The following RSRC1 variants were observed in gnomAD, a reference collection of about 807,000 sequenced individuals.
RSRC1 encodes the protein serine/Arginine-related protein 53.
Under a neutral mutation model 49.1 loss-of-function variants are expected in RSRC1, and 39 were observed. The ratio of observed to expected loss-of-function variants is 0.79; its 90% CI spans 0.61 to 1.04. RSRC1 has a LOEUF of 1.04. RSRC1 is among the 50% of genes least tolerant of loss of function. The pLI is 0.00. For synonymous variants in RSRC1, 143 were observed against 130.8 expected (o/e 1.09, Z -0.63); for missense variants, 388 against 402.4 (o/e 0.96, Z 0.31).
At chr3:158,475,495 T>C (rs1646494281) in intron 7 of RSRC1, among the ~76,000 whole-genome samples, 2 of 152,176 alleles carry the variant, frequency 1.3e-5, no homozygotes, top group Admixed American at 6.6e-5. Context: ...TTGGTGCCAT[T>C]TTCCCCAAAA....
chr3:158,429,931 A>T (rs1006611631), intron 6 of RSRC1, among the ~76,000 whole-genome samples: 2 of 151,738 alleles, frequency 1.3e-5, no homozygotes, highest in Non-Finnish European at 1.5e-5. Context: ...AGCTTTAGTC[A>T]AACAAGATGA....
intron 6 of RSRC1, among the ~76,000 whole-genome samples, chr3:158,443,387 A>T (rs1263614985): frequency 1.3e-5 from 2 of 152,052 alleles, no homozygotes; most frequent in Non-Finnish European, 2.9e-5. Context: ...CCTTTCCATC[A>T]GCATTGCTGC....
chr3:158,373,596 C>CT (rs569459426), intron 6 of RSRC1, among the ~76,000 whole-genome samples: 71 of 151,674 alleles, frequency 4.7e-4, no homozygotes, highest in African/African-American at 1.6e-3. Context: ...GCATGATATA[C>CT]TTTTTTTTGT....
chr3:158,509,743 C>A (rs1158922666), intron 7 of RSRC1, among the ~76,000 whole-genome samples: 1 of 151,846 alleles, frequency 6.6e-6, no homozygotes, highest in Non-Finnish European at 1.5e-5. Flanking sequence ...TATGGTATAC[C>A]ATAGTGATAG....
chr3:158,511,210 C>A (rs1740153018), intron 7 of RSRC1, among the ~76,000 whole-genome samples: 1 of 152,014 alleles, frequency 6.6e-6, no homozygotes, highest in African/African-American at 2.4e-5. Context: ...CACCCACTAA[C>A]TCGTCATCTA....
chr3:158,463,495 T>G (rs1201820508), intron 7 of RSRC1, among the ~76,000 whole-genome samples: 1 of 152,150 alleles, frequency 6.6e-6, no homozygotes, highest in African/African-American at 2.4e-5. Flanking sequence ...TGTAAGCCAC[T>G]AGTAATTCAC....
chr3:158,192,114 G>A (rs567377103), intron 3 of RSRC1, among the ~76,000 whole-genome samples: 49 of 151,922 alleles, frequency 3.2e-4, no homozygotes, highest in African/African-American at 1.1e-3. Flanking sequence ...CAATCTATAA[G>A]CATGATTAAG....
intron 5 of RSRC1, among the ~76,000 whole-genome samples, chr3:158,335,733 C>A (rs1055586957): frequency 1.3e-5 from 2 of 152,138 alleles, no homozygotes; most frequent in Non-Finnish European, 2.9e-5. Context: ...GTCTCTATTG[C>A]AACTACTCAA....
rs181022381 is a variant in RSRC1, at chr3:158,525,784, A to G, written c.653-11308A>G. ...AGAAACGTTATGCTGAGTGAAAGAC[A>G]TCAGATATAAAAGAGTATGCAATTT... On this transcript the variant is annotated intron_variant, in intron 7 of 9. Transcript: ENST00000611884. 9.2e-5 allele frequency among the ~76,000 whole-genome samples: 14 copies of G among 152,134 alleles called. No homozygotes were observed. The East Asian group carries it at 2.7e-3, about 30-fold the overall frequency.
chr3:158,255,594 C>T (rs1321861334), intron 4 of RSRC1, among the ~76,000 whole-genome samples: 1 of 152,130 alleles, frequency 6.6e-6, no homozygotes, highest in Non-Finnish European at 1.5e-5. Context: ...TTTTCCAATT[C>T]TGTGAAGAAA....
chr3:158,321,974 TACACACACACACAC>T (rs71144456), intron 5 of RSRC1, among the ~76,000 whole-genome samples: 2 of 148,396 alleles, frequency 1.3e-5, no homozygotes, highest in Non-Finnish European at 3.0e-5. Context: ...TTTTAACACC[TACACACACACACAC>T]ACACACACAC....
intron 7 of RSRC1, among the ~76,000 whole-genome samples, chr3:158,531,966 C>T (rs957052782): frequency 4.0e-5 from 6 of 151,120 alleles, no homozygotes; most frequent in Admixed American, 2.0e-4. Flanking sequence ...TTGTAAAGCA[C>T]TTAAAAATAC....
At chr3:158,462,154 A>G (rs987879440) in intron 7 of RSRC1, among the ~76,000 whole-genome samples, 5 of 151,772 alleles carry the variant, frequency 3.3e-5, no homozygotes, top group Non-Finnish European at 7.4e-5. Context: ...GGATCAACTA[A>G]TTTTATGGTA....
chr3:158,365,860 T>C (rs1731734302), intron 6 of RSRC1, among the ~76,000 whole-genome samples: 1 of 152,254 alleles, frequency 6.6e-6, no homozygotes, highest in Non-Finnish European at 1.5e-5. Flanking sequence ...TGAGATGATA[T>C]CTCATTGTGG....
intron 6 of RSRC1, among the ~76,000 whole-genome samples, chr3:158,417,467 G>A (rs1373050558): frequency 6.6e-6 from 1 of 151,888 alleles, no homozygotes; most frequent in Non-Finnish European, 1.5e-5. Context: ...ATCACACTGA[G>A]ATTTCTCTAA....
At chr3:158,459,155 A>T (rs954279996) in intron 6 of RSRC1, among the ~76,000 whole-genome samples, 1 of 152,168 alleles carries the variant, frequency 6.6e-6, no homozygotes, top group Non-Finnish European at 1.5e-5. Flanking sequence ...CTCTTGATTG[A>T]CAGTTTGAAG....
intron 6 of RSRC1, among the ~76,000 whole-genome samples, chr3:158,389,865 C>A (rs920349246): frequency 7.9e-5 from 12 of 152,122 alleles, no homozygotes; most frequent in Admixed American, 4.6e-4. Flanking sequence ...ATGCTACTTG[C>A]CTTTTTCAGT....
chr3:158,537,372 C>G (rs999964055), intron 8 of RSRC1, among the ~76,000 whole-genome samples, 174 bp downstream of exon 8: 1 of 151,498 alleles, frequency 6.6e-6, no homozygotes, highest in Non-Finnish European at 1.5e-5. Flanking sequence ...CACTTTAATA[C>G]AAGTTTAATT....
chr3:158,145,980 G>A (rs763688145), intron 3 of RSRC1, among the ~76,000 whole-genome samples: 1 of 152,180 alleles, frequency 6.6e-6, no homozygotes, highest in African/African-American at 2.4e-5. Context: ...CATTGATTTT[G>A]TATCCTGAGA....
Sources: gnomAD v4.1 joint callset for allele counts (sites outside exome capture counted in the v4.1 genomes callset) on GRCh38, gnomAD v4.1.1 for gene constraint, MANE v1.5 for transcripts, NCBI Gene and HGNC (gene_info 2026-07-23, HGNC 2026-07-21) for gene names.